RGS5: variants seen among roughly 807,000 people sequenced by gnomAD.
The protein encoded by RGS5 is regulator of G-protein signalling 5.
Under a neutral mutation model 18.9 loss-of-function variants are expected in RGS5, and 20 were observed. That is an observed-to-expected ratio of 1.06 (90% CI 0.74 to 1.54). RGS5 has a LOEUF of 1.54. Ranked by LOEUF, RGS5 falls within the 40% of genes most tolerant of loss-of-function variation. The pLI is 0.00. For missense variants in RGS5, 201 were observed against 211.8 expected, an observed-to-expected ratio of 0.95 and a Z score of 0.32; for synonymous variants, 57 against 76.2, an observed-to-expected ratio of 0.75 and a Z score of 1.31.
At chr1:163,292,423 T>G (rs1649311902) in intron 2 of RGS5, among the ~76,000 whole-genome samples, 1 of 152,264 alleles carries the variant, frequency 6.6e-6, no homozygotes, top group Non-Finnish European at 1.5e-5. Flanking sequence ...CTATCATTGA[T>G]GGGCATTTAG....
chr1:163,277,919 G>A (rs1343984570), intron 2 of RGS5, among the ~76,000 whole-genome samples: 1 of 151,902 alleles, frequency 6.6e-6, no homozygotes, highest in African/African-American at 2.4e-5. Context: ...ACTAGATCAA[G>A]CAATAGAAAG....
chr1:163,286,577 CTTGTT>C (rs1363672530), intron 2 of RGS5, among the ~76,000 whole-genome samples: 1 of 150,712 alleles, frequency 6.6e-6, no homozygotes, highest in African/African-American at 2.4e-5. Flanking sequence ...TTTATTGTTT[CTTGTT>C]TTATTTTATG....
intron 1 of RGS5, among the ~76,000 whole-genome samples, chr1:163,209,175 ATAAC>A (rs770839239): frequency 2.0e-5 from 3 of 152,214 alleles, no homozygotes; most frequent in Non-Finnish European, 2.9e-5. Flanking sequence ...TTTCTATTAA[ATAAC>A]TGAGTGAAAA....
At position 163,194,608 on chromosome 1, in the gene RGS5, CAT is replaced by C. The variant is rs917412275; in HGVS notation, c.44+8182_44+8183del. 8.5e-5 allele frequency among the ~76,000 whole-genome samples: 13 copies of C among 152,130 alleles called. 1 individual carries two copies. The highest frequency in any genetic ancestry group is 3.1e-4 in the African/African-American group (13 of 41,528). On this transcript the variant is annotated intron_variant, in intron 1 of 4. Transcript: ENST00000313961. ...TATTCCCTATCTAGTACCTTTCCCA[CAT>C]GTTATATAGCCTCTTATACTTGTGT... is the stretch of plus-strand genomic sequence containing the variant.
intron 4 of RGS5, among the ~76,000 whole-genome samples, chr1:163,151,000 A>G (rs545025252): frequency 6.6e-6 from 1 of 152,272 alleles, no homozygotes; most frequent in Admixed American, 6.5e-5. Context: ...ACCTTGATGA[A>G]ACATTTACTT....
intron 3 of RGS5, among the ~76,000 whole-genome samples, chr1:163,157,447 A>C (rs1354012927): frequency 6.6e-6 from 1 of 152,214 alleles, no homozygotes; most frequent in Non-Finnish European, 1.5e-5. Flanking sequence ...AAATGAAGGA[A>C]AGTGAGAAGA....
intron 2 of RGS5, among the ~76,000 whole-genome samples, chr1:163,224,790 G>C (rs1414664825): frequency 6.6e-6 from 1 of 152,146 alleles, no homozygotes; most frequent in Non-Finnish European, 1.5e-5. Flanking sequence ...CTGATGATTA[G>C]TGATGTAGGA....
At chr1:163,178,274 G>A (rs1303089063) in intron 1 of RGS5, among the ~76,000 whole-genome samples, 1 of 152,128 alleles carries the variant, frequency 6.6e-6, no homozygotes, top group Non-Finnish European at 1.5e-5. Flanking sequence ...TGGTGCCACT[G>A]CACTTGGGCC....
intron 2 of RGS5, among the ~76,000 whole-genome samples, chr1:163,247,600 A>ATG: frequency 6.6e-6 from 1 of 150,868 alleles, no homozygotes; most frequent in African/African-American, 2.4e-5. Context: ...ATATATATAT[A>ATG]TGTATACGTA....
Position 163,152,716 on chromosome 1 carries a change from T to C in RGS5, c.218A>G (p.Tyr73Cys), listed in dbSNP as rs750306051. 4 of 1,575,232 alleles carry C rather than the reference T, an allele frequency of 2.5e-6. No homozygotes were observed. The South Asian group carries it at 3.6e-5, about 14-fold the overall frequency. Residue 73 changes from tyrosine to cysteine, a missense_variant and splice_region_variant, in exon 4 of 5, where the codon TAT becomes TGT. Transcript: ENST00000313961. ...DSLDKLLQNN[Y>C]GLASFKSFLK... ...GAAACTTTTGAAACTGGCAAGTCCA[T>C]CTGGAAAGAAAAAAACAGTCAGCTG... is the stretch of plus-strand genomic sequence containing the variant.
upstream of RGS5, chr1:163,217,659 A>G: frequency 6.7e-7 from 1 of 1,497,302 alleles, no homozygotes; most frequent in Non-Finnish European, 8.9e-7. Flanking sequence ...TGTTCCTTAG[A>G]ATTTGTTTTG....
intron 2 of RGS5, among the ~76,000 whole-genome samples, chr1:163,274,991 C>T (rs755598017): frequency 6.6e-6 from 1 of 152,118 alleles, no homozygotes; most frequent in Non-Finnish European, 1.5e-5. Flanking sequence ...TAGTGCACAC[C>T]TGCAGTCCTA....
chr1:163,271,928 A>G (rs888898776), intron 2 of RGS5, among the ~76,000 whole-genome samples: 1 of 152,142 alleles, frequency 6.6e-6, no homozygotes, highest in Non-Finnish European at 1.5e-5. Context: ...TGAGAGTTCC[A>G]TCTGCTCCAT....
chr1:163,147,918 C>CTTTTTTTTCTTTTTTTTTTTT (rs3065035), intron 4 of RGS5, among the ~76,000 whole-genome samples: 117 of 78,076 alleles, frequency 1.5e-3, no homozygotes, highest in African/African-American at 2.4e-3. Context: ...TTTTCTTTTT[C>CTTTTTTTTCTTTTTTTTTTTT]TTTTTTTTTT....
chr1:163,314,223 T>C (rs1240471711), intron 1 of RGS5, among the ~76,000 whole-genome samples: 1 of 152,154 alleles, frequency 6.6e-6, no homozygotes, highest in East Asian at 1.9e-4. Flanking sequence ...AATATTCAGG[T>C]AATAATTTTG....
chr1:163,302,066 T>A (rs990985), intron 2 of RGS5, among the ~76,000 whole-genome samples: 94,875 of 150,586 alleles, frequency 0.63, 30,372 homozygotes, highest in Non-Finnish European at 0.68. Context: ...TTTTTTCATA[T>A]AAAGAAAAAT....
intron 2 of RGS5, among the ~76,000 whole-genome samples, chr1:163,301,744 A>G (rs1013559088): frequency 2.0e-5 from 3 of 152,294 alleles, no homozygotes; most frequent in Non-Finnish European, 4.4e-5. Flanking sequence ...CTTTAAGTAC[A>G]CAGGATCCGT....
At chr1:163,307,623 TA>T (rs11459317) in intron 1 of RGS5, among the ~76,000 whole-genome samples, 54 of 148,058 alleles carry the variant, frequency 3.6e-4, no homozygotes, top group African/African-American at 1.3e-3. Flanking sequence ...TTAAGAGTAA[TA>T]AAAAAAAAAG....
intron 2 of RGS5, among the ~76,000 whole-genome samples, chr1:163,300,096 C>A (rs1649515507): frequency 6.6e-6 from 1 of 152,172 alleles, no homozygotes; most frequent in African/African-American, 2.4e-5. Context: ...GAAATTATCT[C>A]TTTTCTAGAG....
Sources: gnomAD v4.1 joint callset for allele counts (sites outside exome capture counted in the v4.1 genomes callset) on GRCh38, gnomAD v4.1.1 for gene constraint, MANE v1.5 for transcripts, NCBI Gene and HGNC (gene_info 2026-07-23, HGNC 2026-07-21) for gene names.